Variants in UBE2E1 observed in about 807,000 individuals in gnomAD.
UBE2E1 encodes the protein ubiquitin conjugating enzyme E2 E1, also known as ubiquitin-conjugating enzyme E2 E1.
UBE2E1 carries 6 observed loss-of-function variants against 21.4 expected under a neutral mutation model. That is an observed-to-expected ratio of 0.28 (90% CI 0.15 to 0.55). UBE2E1 has a LOEUF of 0.55. Ranked by LOEUF, UBE2E1 falls within the 20% of genes least tolerant of loss-of-function variation. The probability of loss-of-function intolerance (pLI) is 0.93; values close to 1 mark genes in which losing one functional copy is unlikely to be tolerated. For synonymous variants in UBE2E1, 87 were observed against 82.7 expected, an observed-to-expected ratio of 1.05 and a Z score of -0.28; for missense variants, 142 against 236.5, an observed-to-expected ratio of 0.60 and a Z score of 2.62.
chr3:23,812,188 T>C (rs1458079077), intron 3 of UBE2E1, among the ~76,000 whole-genome samples: 1 of 151,892 alleles, frequency 6.6e-6, no homozygotes, highest in African/African-American at 2.4e-5. Flanking sequence ...TGAGTCAAGG[T>C]GGAAGACTTG....
Position 23,810,595 on chromosome 3 carries a change from G to A in UBE2E1, c.153-865G>A. 2.8e-6 allele frequency: 4 copies of A among 1,443,646 alleles called. No individual in the cohort carries two copies. The highest frequency in any genetic ancestry group is 3.7e-6 in the Non-Finnish European group (4 of 1,085,746). 89.4% of individuals were successfully genotyped at this position (1,443,646 alleles called of 1,614,324 possible). ...CGGAGGCAGGGTCCGGTGCACCTGT[G>A]CGGCCGCGGGCCGGCCACTTGGGGT... On this transcript the variant is annotated intron_variant, in intron 2 of 5. Coordinates refer to ENST00000306627, the MANE Select transcript of UBE2E1 (RefSeq NM_003341.5). This position sits in a 1 kb window ranked among gnomAD's most constrained non-coding sequence, Gnocchi z 5.8.
At chr3:23,877,194 G>C (rs1464176087) in intron 3 of UBE2E1, among the ~76,000 whole-genome samples, 1 of 152,186 alleles carries the variant, frequency 6.6e-6, no homozygotes, top group African/African-American at 2.4e-5. Flanking sequence ...GATGTTGCTT[G>C]TCCAGAGGCG....
At position 23,887,592 on chromosome 3, in the gene UBE2E1, T is replaced by C. The variant is rs565686238; in HGVS notation, c.229T>C (p.Tyr77His). Residue 77 changes from tyrosine (Y) to histidine (H), a missense_variant, in exon 4 of 6, where the codon TAT becomes CAT. Tyr to His is a moderately conservative substitution (Grantham distance 83). Coordinates refer to ENST00000306627, the MANE Select transcript of UBE2E1 (RefSeq NM_003341.5). This position sits in a 1 kb window ranked among gnomAD's most constrained non-coding sequence, Gnocchi z 4.4. ...TGCTGGTCCCAAAGGCGATAACATC[T>C]ATGAATGGAGATCAACCATTCTAGG... Reference protein sequence around the residue: ...CSAGPKGDNIYEWRSTILGPP... With the variant: ...CSAGPKGDNIHEWRSTILGPP... 2 of 1,612,852 alleles carry C rather than the reference T, an allele frequency of 1.2e-6. No individual in the cohort carries two copies. The highest frequency in any genetic ancestry group is 3.4e-5 in the Admixed American group (2 of 59,530).
chr3:23,879,022 G>C, intron 3 of UBE2E1: 1 of 497,508 alleles, frequency 2.0e-6, no homozygotes, highest in Non-Finnish European at 4.1e-6. Flanking sequence ...AGCTGCAAAT[G>C]CCAAGGACTT....
intron 3 of UBE2E1, among the ~76,000 whole-genome samples, chr3:23,873,751 A>G (rs919975564): frequency 5.3e-5 from 8 of 152,246 alleles, no homozygotes; most frequent in Admixed American, 3.9e-4. Context: ...GTCTCAAGAA[A>G]AAAAAATAAG....
In UBE2E1 at chr3:23,877,141, T is replaced by A. The variant is rs560261769; in HGVS notation, c.204-10426T>A. 1.6e-4 allele frequency among the ~76,000 whole-genome samples: 24 copies of A among 152,252 alleles called. 1 individual carries two copies. In the South Asian group the frequency reaches 5.0e-3, roughly 32 times the overall value. On this transcript the variant is annotated intron_variant, in intron 3 of 5. Transcript: ENST00000306627. Reference sequence around the variant, plus strand: ...CACATTGATAGGGTCTGAGGTGGAGTCTGATGTCTGCATTTCTAACAAACT... The same window carrying A: ...CACATTGATAGGGTCTGAGGTGGAGACTGATGTCTGCATTTCTAACAAACT...
rs373264781 is a variant in UBE2E1, at chr3:23,810,724, A to C, written c.153-736A>C. 41 of 441,920 alleles carry C rather than the reference A, an allele frequency of 9.3e-5. No individual in the cohort carries two copies. The East Asian group carries it at 1.3e-3, about 14-fold the overall frequency. 27.4% of individuals were successfully genotyped at this position (441,920 alleles called of 1,614,324 possible). A position where few individuals can be genotyped will look rare whatever the true frequency, so the allele number is the denominator to read the frequency against. ...GGAGAGGAGAGCTGGGGCGGCGCGG[A>C]GCAGCCCCCGTGCGGGCACCCTGTT... On this transcript the variant is annotated intron_variant, in intron 2 of 5. Coordinates refer to ENST00000306627, the MANE Select transcript of UBE2E1 (RefSeq NM_003341.5). The surrounding 1 kb of genome is among the most constrained non-coding windows in gnomAD (Gnocchi z 5.8).
At chr3:23,859,340 A>G (rs1487944870) in intron 3 of UBE2E1, among the ~76,000 whole-genome samples, 1 of 152,216 alleles carries the variant, frequency 6.6e-6, no homozygotes, top group Non-Finnish European at 1.5e-5. Flanking sequence ...TAAGGGAGGT[A>G]TGAGGCATGG....
chr3:23,881,302 G>A (rs1701033167), intron 3 of UBE2E1, among the ~76,000 whole-genome samples: 1 of 151,992 alleles, frequency 6.6e-6, no homozygotes, highest in Admixed American at 6.5e-5. Flanking sequence ...TTGATTAGAA[G>A]AAAAAACTAT....
chr3:23,881,428 C>G (rs942885219), intron 3 of UBE2E1, among the ~76,000 whole-genome samples: 8 of 152,190 alleles, frequency 5.3e-5, no homozygotes, highest in African/African-American at 1.7e-4. Context: ...GGCATGGTCT[C>G]TTCACTTCCT....
In UBE2E1 at chr3:23,810,683, A is replaced by C. The variant is rs1699369233; in HGVS notation, c.153-777A>C. 1 of 682,370 alleles carries C rather than the reference A, an allele frequency of 1.5e-6. No homozygotes were observed. Among genetic ancestry groups the C allele is most frequent in the African/African-American group, 2.0e-5 (1 of 51,212 alleles). The allele number at this position is 682,370 out of a possible 1,614,324, so 42.3% of individuals were successfully genotyped here. Reference sequence around the variant, plus strand: ...CTGCTTTCGCGCGCGGTCTCGGGCCAAGGTTCTGGGCGCCGGGAGAGGAGA... The same window carrying C: ...CTGCTTTCGCGCGCGGTCTCGGGCCCAGGTTCTGGGCGCCGGGAGAGGAGA... On this transcript the variant is annotated intron_variant, in intron 2 of 5. Coordinates refer to ENST00000306627, the MANE Select transcript of UBE2E1 (RefSeq NM_003341.5). This position sits in a 1 kb window ranked among gnomAD's most constrained non-coding sequence, Gnocchi z 5.8.
intron 3 of UBE2E1, among the ~76,000 whole-genome samples, chr3:23,819,641 AC>A (rs1699604160): frequency 6.6e-6 from 1 of 152,206 alleles, no homozygotes; most frequent in African/African-American, 2.4e-5. Flanking sequence ...AAACACAAAA[AC>A]CTAATTTGGT....
At chr3:23,882,616 G>C (rs1053268677) in intron 3 of UBE2E1, among the ~76,000 whole-genome samples, 4 of 150,858 alleles carry the variant, frequency 2.7e-5, no homozygotes, top group African/African-American at 7.3e-5. Flanking sequence ...GGCCACGTGG[G>C]AGCCCACTGC....
At chr3:23,829,462 A>G (rs1699823453) in intron 3 of UBE2E1, among the ~76,000 whole-genome samples, 2 of 151,966 alleles carry the variant, frequency 1.3e-5, no homozygotes, top group Admixed American at 1.3e-4. Context: ...ACCCAGACCC[A>G]GCTGTTTTCT....
At chr3:23,872,873 C>T (rs995033471) in intron 3 of UBE2E1, among the ~76,000 whole-genome samples, 3 of 151,980 alleles carry the variant, frequency 2.0e-5, no homozygotes, top group Admixed American at 6.6e-5. Context: ...AAAAATTAGT[C>T]GGGCGTGGTG....
At chr3:23,828,272 C>G (rs1384870644) in intron 3 of UBE2E1, among the ~76,000 whole-genome samples, 1 of 152,178 alleles carries the variant, frequency 6.6e-6, no homozygotes, top group Non-Finnish European at 1.5e-5. Context: ...ATGTTACCAT[C>G]AATCACAGAA....
At position 23,863,044 on chromosome 3, in the gene UBE2E1, CTTT is replaced by C. The variant is rs1284391456; in HGVS notation, c.204-24522_204-24520del. ...ACATAGTTTAAAGGCTTTAATATTTCTTTGTTTGTTAAAAAAAAAAAAAAAAAC... is the reference window on the plus strand; with the variant it reads ...ACATAGTTTAAAGGCTTTAATATTTCGTTTGTTAAAAAAAAAAAAAAAAAC... On this transcript the variant is annotated intron_variant, in intron 3 of 5. Coordinates refer to ENST00000306627, the MANE Select transcript of UBE2E1 (RefSeq NM_003341.5). This position sits in a 1 kb window ranked among gnomAD's most constrained non-coding sequence, Gnocchi z 4.3. 2.8e-5 allele frequency among the ~76,000 whole-genome samples: 3 copies of C among 107,580 alleles called. No individual in the cohort carries two copies. Among genetic ancestry groups the C allele is most frequent in the Non-Finnish European group, 5.5e-5 (3 of 54,174 alleles). The allele number at this position is 107,580 out of a possible 152,430, so 70.6% of individuals were successfully genotyped here.
intron 3 of UBE2E1, among the ~76,000 whole-genome samples, chr3:23,837,729 A>G (rs370534013): frequency 6.6e-6 from 1 of 152,232 alleles, no homozygotes; most frequent in African/African-American, 2.4e-5. Flanking sequence ...GGACTAGCCT[A>G]CACCTGGTTT....
intron 3 of UBE2E1, among the ~76,000 whole-genome samples, chr3:23,877,264 A>T (rs1700937191): frequency 6.6e-6 from 1 of 152,116 alleles, no homozygotes; most frequent in Non-Finnish European, 1.5e-5. Context: ...TTTTAATAAT[A>T]ACAACAGCAA....
Sources: gnomAD v4.1 joint callset for allele counts (sites outside exome capture counted in the v4.1 genomes callset) on GRCh38, gnomAD v4.1.1 for gene constraint, Gnocchi (gnomAD v3.1) non-coding constraint, MANE v1.5 for transcripts, NCBI Gene and HGNC (gene_info 2026-07-23, HGNC 2026-07-21) for gene names.